Variants in ZNF667 observed in about 807,000 individuals in gnomAD.
The protein encoded by ZNF667 is zinc finger protein 667, also known as myocardial ischemic preconditioning upregulated 1 ortholog.
Under a neutral mutation model 31.8 loss-of-function variants are expected in ZNF667, and 13 were observed. That is an observed-to-expected ratio of 0.41 (90% confidence interval 0.27 to 0.65). The LOEUF (loss-of-function observed/expected upper bound fraction) is 0.65. Ranked by LOEUF, ZNF667 falls within the 30% of genes least tolerant of loss-of-function variation. ZNF667 has a pLI of 0.32. For missense variants in ZNF667, 642 were observed against 725.6 expected, an observed-to-expected ratio of 0.88 and a Z score of 1.32; for synonymous variants, 228 against 247.1, an observed-to-expected ratio of 0.92 and a Z score of 0.73.
chr19:56,452,130 C>T (rs1433371617), intron 6 of ZNF667, among the ~76,000 whole-genome samples: 1 of 150,996 alleles, frequency 6.6e-6, no homozygotes, highest in Non-Finnish European at 1.5e-5. Flanking sequence ...CTCACTGCAA[C>T]CTCTGCCTCC....
At chr19:56,455,372 T>A (rs2147748260) in intron 6 of ZNF667, among the ~76,000 whole-genome samples, 1 of 152,306 alleles carries the variant, frequency 6.6e-6, no homozygotes. Flanking sequence ...TCTCTGCATT[T>A]CCATGTTTAT....
chr19:56,448,246 C>T (rs1446929980), intron 6 of ZNF667, among the ~76,000 whole-genome samples: 2 of 152,026 alleles, frequency 1.3e-5, no homozygotes, highest in Non-Finnish European at 2.9e-5. Flanking sequence ...CAGAAAGCAA[C>T]GTGGGGCAGA....
intron 1 of ZNF667, chr19:56,475,169 C>G (rs35698251): frequency 0.4 from 60,701 of 152,014 alleles, 12,907 homozygotes; most frequent in Middle Eastern, 0.54. Context: ...AAGTACCTAT[C>G]AGCACCTATT....
intron 3 of ZNF667, among the ~76,000 whole-genome samples, chr19:56,463,032 A>T (rs1209355811): frequency 6.6e-6 from 1 of 151,946 alleles, no homozygotes; most frequent in African/African-American, 2.4e-5. Flanking sequence ...GGCGCAGGCT[A>T]GGTGTGAGGA....
chr19:56,457,585 C>T (rs1053665198), intron 6 of ZNF667, among the ~76,000 whole-genome samples: 9 of 152,178 alleles, frequency 5.9e-5, no homozygotes, highest in African/African-American at 2.2e-4. Context: ...TGCTTGATAC[C>T]TAGTAAGGGC....
rs1386642502 is a variant in ZNF667 at position 56,471,964 on chromosome 19, T to A, written c.-325A>T. 6.6e-6 allele frequency: 1 copy of A among 152,220 alleles called. No homozygotes were observed. Among genetic ancestry groups the A allele is most frequent in the East Asian group, 1.9e-4 (1 of 5,198 alleles). The allele number at this position is 152,220 out of a possible 1,614,324, so 9.4% of individuals were successfully genotyped here. ...TGAATCATGGGGGCGGTTTCCCCCA[T>A]GCTGTTCTCATGGCAGTGAGTAAGT... is the stretch of plus-strand genomic sequence containing the variant. On this transcript the variant is annotated 5_prime_UTR_variant, in exon 3 of 7. The change abolishes an upstream ATG in the 5' untranslated region. Transcript: ENST00000504904.
chr19:56,459,572 C>T (rs1436973244), intron 5 of ZNF667, among the ~76,000 whole-genome samples: 3 of 152,188 alleles, frequency 2.0e-5, no homozygotes, highest in African/African-American at 7.2e-5. Context: ...CGCTAAAAAC[C>T]CCAAACTCTT....
At chr19:56,457,836 T>C (rs949305252) in intron 6 of ZNF667, among the ~76,000 whole-genome samples, 1 of 152,060 alleles carries the variant, frequency 6.6e-6, no homozygotes, top group Non-Finnish European at 1.5e-5. Context: ...TATTAGGAGG[T>C]GGGGCCTTTG....
chr19:56,469,203 C>T (rs1259034877), intron 3 of ZNF667, among the ~76,000 whole-genome samples: 1 of 152,224 alleles, frequency 6.6e-6, no homozygotes, highest in Non-Finnish European at 1.5e-5. Context: ...AGCGCTGAAA[C>T]ATCAGCCCTG....
At chr19:56,449,459 C>T (rs1018253689) in intron 6 of ZNF667, 2 of 260,516 alleles carry the variant, frequency 7.7e-6, no homozygotes, top group Admixed American at 4.8e-5. Flanking sequence ...GCGGGTGGAT[C>T]ACCTGAGTTC....
rs142398083 is a variant in ZNF667 at position 56,442,060 on chromosome 19, G to A, written c.935C>T (p.Ala312Val). The change falls in exon 7 of 7, where the codon GCG becomes GTG. Residue 312 changes from alanine to valine, a missense_variant. Transcript: ENST00000504904. ...IHAGEKIPEN[A>V]KALSQSLQQR... is the part of the protein sequence containing the mutation. ...CTGTAGACTCTGACTTAAGGCCTTC[G>A]CATTTTCAGGGATTTTCTCTCCAGC... The A allele has an allele frequency of 9.2e-4, 1,484 of 1,613,874 alleles. 2 individuals carry two copies. The highest frequency in any genetic ancestry group is 1.2e-3 in the Non-Finnish European group (1,403 of 1,180,006).
chr19:56,458,307 C>T (rs898809224), intron 5 of ZNF667, 60 bp from the exon 6 acceptor site: 52 of 1,436,210 alleles, frequency 3.6e-5, no homozygotes, highest in Non-Finnish European at 3.8e-5. Context: ...AAGTCAGAGC[C>T]ACGCTCTGCA....
intron 3 of ZNF667, among the ~76,000 whole-genome samples, chr19:56,469,583 C>T (rs1461634132): frequency 6.6e-6 from 1 of 152,244 alleles, no homozygotes; most frequent in Non-Finnish European, 1.5e-5. Context: ...CACAGCCCCA[C>T]CTCACTTCCT....
chr19:56,452,562 C>G (rs572299762), intron 6 of ZNF667, among the ~76,000 whole-genome samples: 40 of 151,944 alleles, frequency 2.6e-4, no homozygotes, highest in Non-Finnish European at 4.4e-4. Context: ...AACCAAACCC[C>G]AAATTCGCAG....
chr19:56,467,795 C>T (rs952062688), intron 3 of ZNF667: 1 of 152,180 alleles, frequency 6.6e-6, no homozygotes, highest in Admixed American at 6.5e-5. Flanking sequence ...TGTAGAAATA[C>T]AAGGTATGTG....
rs768619983 is a variant in ZNF667, at chr19:56,441,855, A to G, written c.1140T>C (p.His380=). The G allele has an allele frequency of 6.2e-7, 1 of 1,614,136 alleles. No individual in the cohort carries two copies. Among genetic ancestry groups the G allele is most frequent in the Non-Finnish European group, 8.5e-7 (1 of 1,180,022 alleles). ...TGCATCTGTATAGTTTTTCTCCATTATGAATTCTTAGATGCAGAATAAGGG... is the reference window on the plus strand; with the variant it reads ...TGCATCTGTATAGTTTTTCTCCATTGTGAATTCTTAGATGCAGAATAAGGG... The part of the protein sequence containing the change: ...LSTLILHLRI[H]NGEKLYRCNK... Residue 380 remains histidine (H), a synonymous_variant, in exon 7 of 7, where the codon CAT becomes CAC. Coordinates refer to ENST00000504904, the MANE Select transcript of ZNF667 (RefSeq NM_001321356.2). This position sits in a 1 kb window ranked among gnomAD's most constrained non-coding sequence, Gnocchi z 4.2.
At chr19:56,467,022 C>T (rs1251521330) in intron 3 of ZNF667, 1 of 456,664 alleles carries the variant, frequency 2.2e-6, no homozygotes, top group Admixed American at 2.3e-5. Flanking sequence ...TCCAAGAACC[C>T]TCTCTTATGG....
Position 56,440,390 on chromosome 19 carries a change from GACA to G in ZNF667, c.*769_*771del, listed in dbSNP as rs571596936. 3.2e-5 allele frequency: 5 copies of G among 156,770 alleles called. No homozygotes were observed. Among genetic ancestry groups the G allele is most frequent in the Non-Finnish European group, 4.1e-5 (3 of 72,300 alleles). 9.7% of individuals were successfully genotyped at this position (156,770 alleles called of 1,614,324 possible). On this transcript the variant is annotated 3_prime_UTR_variant, in exon 7 of 7. Transcript: ENST00000504904. Reference sequence around the variant, plus strand: ...TCTACTGTTACACACCATTATGAGTGACAACTTTATCTACCTAAAGACTCACTT... The same window carrying G: ...TCTACTGTTACACACCATTATGAGTGACTTTATCTACCTAAAGACTCACTT...
chr19:56,474,431 G>T (rs2043358261), intron 1 of ZNF667: 1 of 152,258 alleles, frequency 6.6e-6, no homozygotes, highest in African/African-American at 2.4e-5. Flanking sequence ...TTTCTCCAAA[G>T]ACGTCAGCAC....
Sources: gnomAD v4.1 joint callset for allele counts (sites outside exome capture counted in the v4.1 genomes callset) on GRCh38, gnomAD v4.1.1 for gene constraint, Gnocchi (gnomAD v3.1) non-coding constraint, MANE v1.5 for transcripts, NCBI Gene and HGNC (gene_info 2026-07-23, HGNC 2026-07-21) for gene names.